ECE1: variants seen among roughly 807,000 people sequenced by gnomAD.
ECE1 encodes the protein endothelin converting enzyme 1, also known as endothelin-converting enzyme 1.
A neutral mutation model predicts 98.6 loss-of-function variants in ECE1; 35 were observed. The observed-to-expected ratio is 0.35, with a 90% confidence interval of 0.27 to 0.47. The LOEUF is 0.47. Ranked by LOEUF, ECE1 falls within the 20% of genes least tolerant of loss-of-function variation. ECE1 has a pLI of 1.00. For missense variants in ECE1, 814 were observed against 1,025.3 expected (o/e 0.79, Z 2.81); for synonymous variants, 394 against 407.1 (o/e 0.97, Z 0.39).
At chr1:21,341,829 G>A (rs1189488602) in intron 1 of ECE1, among the ~76,000 whole-genome samples, 2 of 151,606 alleles carry the variant, frequency 1.3e-5, no homozygotes, top group Non-Finnish European at 2.9e-5. Flanking sequence ...TTTAAGATAG[G>A]GTCTCACTAT....
chr1:21,251,652 T>C (rs919803831), intron 8 of ECE1, among the ~76,000 whole-genome samples: 2 of 152,188 alleles, frequency 1.3e-5, no homozygotes, highest in African/African-American at 4.8e-5. Flanking sequence ...GGGGCTCCAG[T>C]GCATCCCTGC....
intron 3 of ECE1, among the ~76,000 whole-genome samples, chr1:21,275,460 TG>T (rs1194394047): frequency 6.6e-6 from 1 of 152,052 alleles, no homozygotes; most frequent in Non-Finnish European, 1.5e-5. Flanking sequence ...CCAGGTATGA[TG>T]GGGGGCACCT....
Position 21,258,954 on chromosome 1 carries a change from T to A in ECE1, c.616-115A>T. ...CCCTGGAGCAGTCGCCTGACCTCTCTGAGCCTCAAGAGCAAAGGAAAGGAT... is the reference window on the plus strand; with the variant it reads ...CCCTGGAGCAGTCGCCTGACCTCTCAGAGCCTCAAGAGCAAAGGAAAGGAT... On this transcript the variant is annotated intron_variant, in intron 5 of 18. Coordinates refer to ENST00000374893, the MANE Select transcript of ECE1 (RefSeq NM_001397.3). This position sits in a 1 kb window ranked among gnomAD's most constrained non-coding sequence, Gnocchi z 4.2. 1 of 1,424,250 alleles carries A rather than the reference T, an allele frequency of 7.0e-7. No homozygotes were observed. Among genetic ancestry groups the A allele is most frequent in the Non-Finnish European group, 9.6e-7 (1 of 1,043,208 alleles). The allele number at this position is 1,424,250 out of a possible 1,614,324, so 88.2% of individuals were successfully genotyped here.
In ECE1 at chr1:21,322,688, C is replaced by A. The variant is rs1638990618; in HGVS notation, c.3+22688G>T. On this transcript the variant is annotated intron_variant, in intron 1 of 18. Transcript: ENST00000415912. The surrounding 1 kb of genome is among the most constrained non-coding windows in gnomAD (Gnocchi z 4.1). ...CTAGCTGGGGAAAAGGACAAGAAAA[C>A]CCAGCGATGGAGAGGAGAGGCACAG... 6.6e-6 allele frequency among the ~76,000 whole-genome samples: 1 copy of A among 152,098 alleles called. No individual in the cohort carries two copies. The highest frequency in any genetic ancestry group is 2.4e-5 in the African/African-American group (1 of 41,384).
intron 1 of ECE1, among the ~76,000 whole-genome samples, chr1:21,330,931 C>A (rs1639188196): frequency 6.6e-6 from 1 of 152,190 alleles, no homozygotes; most frequent in Admixed American, 6.5e-5. Context: ...ATGAGACTGG[C>A]TGATCATAAG....
rs1638731510 is a variant in ECE1 at position 21,311,822 on chromosome 1, T to C, written c.4-21666A>G. Among the ~76,000 whole-genome samples the C allele has an allele frequency of 2.7e-5, 4 of 149,182 alleles. No homozygotes were observed. In the Admixed American group the frequency reaches 2.7e-4, roughly 10 times the overall value. ...GTGAAATCCTGTCTCAAAAAAAAAT[T>C]TTTTTAAATTTAAAAAATTGGCCGG... On this transcript the variant is annotated intron_variant, in intron 1 of 18. Transcript: ENST00000415912.
chr1:21,336,405 T>C (rs1639305389), intron 1 of ECE1, among the ~76,000 whole-genome samples: 1 of 151,602 alleles, frequency 6.6e-6, no homozygotes, highest in African/African-American at 2.4e-5. Context: ...ACAAAAAACA[T>C]TCACTGAGGC....
chr1:21,272,598 G>T, intron 4 of ECE1, 101 bp downstream of exon 4: 2 of 1,443,302 alleles, frequency 1.4e-6, no homozygotes, highest in Non-Finnish European at 9.6e-7. Flanking sequence ...GGCCCATTCT[G>T]CCAAGCTCCT....
At chr1:21,323,823 T>TC (rs1368483292) in intron 1 of ECE1, among the ~76,000 whole-genome samples, 1 of 149,666 alleles carries the variant, frequency 6.7e-6, no homozygotes, top group East Asian at 1.9e-4. Flanking sequence ...TTCTTTCTTT[T>TC]TTTTTTTTTT....
rs1321354702 is a variant in ECE1 at position 21,337,474 on chromosome 1, T to G, written c.3+7902A>C. ...GGTTCACACTTTGGTCCAGGTAGTA[T>G]GCAGGTGTGTGCATTTGTAAAACGT... On this transcript the variant is annotated intron_variant, in intron 1 of 18. Coordinates refer to the ECE1 transcript ENST00000415912. Among the ~76,000 whole-genome samples the G allele has an allele frequency of 3.3e-5, 5 of 152,226 alleles. No homozygotes were observed. In the South Asian group the frequency reaches 1.0e-3, roughly 31 times the overall value.
chr1:21,269,661 T>A (rs2098237944), intron 4 of ECE1, among the ~76,000 whole-genome samples: 1 of 152,224 alleles, frequency 6.6e-6, no homozygotes, highest in Admixed American at 6.5e-5. Flanking sequence ...AGTATTCCGA[T>A]GTATTCCAGT....
chr1:21,297,456 T>C (rs961269738), intron 1 of ECE1, among the ~76,000 whole-genome samples: 3 of 152,076 alleles, frequency 2.0e-5, no homozygotes, highest in Non-Finnish European at 4.4e-5. Flanking sequence ...CTGACCCCCT[T>C]GATCTCCTAC....
In ECE1 at chr1:21,219,833, C is replaced by T. The variant is rs967547745; in HGVS notation, c.*122G>A. On this transcript the variant is annotated 3_prime_UTR_variant, in exon 19 of 19. Coordinates refer to ENST00000374893, the MANE Select transcript of ECE1 (RefSeq NM_001397.3). This position sits in a 1 kb window ranked among gnomAD's most constrained non-coding sequence, Gnocchi z 4.5. ...ATGGGCTCGGTTCCGGCTGAAAACCCGCCAGTGTGAGGAAGCAGGGCCCCG... is the reference window on the plus strand; with the variant it reads ...ATGGGCTCGGTTCCGGCTGAAAACCTGCCAGTGTGAGGAAGCAGGGCCCCG... The T allele has an allele frequency of 3.8e-5, 50 of 1,330,356 alleles. No homozygotes were observed. Among genetic ancestry groups the T allele is most frequent in the African/African-American group, 1.0e-4 (7 of 68,958 alleles). 82.4% of individuals were successfully genotyped at this position (1,330,356 alleles called of 1,614,324 possible).
chr1:21,239,789 T>C (rs564105267), intron 10 of ECE1, among the ~76,000 whole-genome samples: 41 of 152,010 alleles, frequency 2.7e-4, no homozygotes, highest in African/African-American at 7.5e-4. Context: ...TTCTTTCTTT[T>C]TTTTTTTTTT....
chr1:21,276,877 T>C (rs2098247924), intron 3 of ECE1, among the ~76,000 whole-genome samples: 1 of 152,012 alleles, frequency 6.6e-6, no homozygotes, highest in Admixed American at 6.6e-5. Context: ...CCACCATCCC[T>C]GGCTAATTTT....
chr1:21,239,133 C>G (rs1388455572), intron 10 of ECE1, among the ~76,000 whole-genome samples: 1 of 152,026 alleles, frequency 6.6e-6, no homozygotes, highest in Non-Finnish European at 1.5e-5. Context: ...ACACCTGGCT[C>G]ACCGCGGGAT....
Position 21,290,394 on chromosome 1 carries a change from G to T in ECE1, c.21C>A (p.Pro7=). 8.1e-7 allele frequency: 1 copy of T among 1,238,464 alleles called. No individual in the cohort carries two copies. Among genetic ancestry groups the T allele is most frequent in the Non-Finnish European group, 1.0e-6 (1 of 993,208 alleles). The allele number at this position is 1,238,464 out of a possible 1,614,324, so 76.7% of individuals were successfully genotyped here. Residue 7 remains proline, a synonymous_variant, in exon 1 of 19, where the codon CCC becomes CCA. Transcript: ENST00000374893. This position sits in a 1 kb window ranked among gnomAD's most constrained non-coding sequence, Gnocchi z 7.3. MRGVWP[P]PVSALLSALG... ...GCGCCGACAGCAGGGCGGACACCGGGGGCGGCCACACGCCCCGCATGCTGT... is the reference window on the plus strand; with the variant it reads ...GCGCCGACAGCAGGGCGGACACCGGTGGCGGCCACACGCCCCGCATGCTGT...
rs936848332 is a variant in ECE1 at position 21,217,856 on chromosome 1, GCAGATC to G, written c.*2093_*2098del. 6.6e-6 allele frequency: 1 copy of G among 152,446 alleles called. No individual in the cohort carries two copies. Among genetic ancestry groups the G allele is most frequent in the Non-Finnish European group, 1.5e-5 (1 of 68,190 alleles). The allele number at this position is 152,446 out of a possible 1,614,324, so 9.4% of individuals were successfully genotyped here. On this transcript the variant is annotated 3_prime_UTR_variant, in exon 19 of 19. Coordinates refer to ENST00000374893, the MANE Select transcript of ECE1 (RefSeq NM_001397.3). ...CTCGATACCCTGCACCAGCTTGGAG[GCAGATC>G]CCAAGGTGGCAGGGGTGTCCCTGTG...
Position 21,315,009 on chromosome 1 carries a change from T to C in ECE1, c.4-24853A>G, listed in dbSNP as rs142689851. Among the ~76,000 whole-genome samples the C allele has an allele frequency of 1.7e-4, 26 of 152,328 alleles. No homozygotes were observed. The East Asian group carries it at 5.0e-3, about 29-fold the overall frequency. ...ATGCTGCCCCATCTGTATGTATCTG[T>C]AGTGATTTGTATGTATCCCCAGTAG... is the stretch of plus-strand genomic sequence containing the variant. On this transcript the variant is annotated intron_variant, in intron 1 of 18. Transcript: ENST00000415912.
Sources: gnomAD v4.1 joint callset for allele counts (sites outside exome capture counted in the v4.1 genomes callset) on GRCh38, gnomAD v4.1.1 for gene constraint, Gnocchi (gnomAD v3.1) non-coding constraint, MANE v1.5 for transcripts, NCBI Gene and HGNC (gene_info 2026-07-23, HGNC 2026-07-21) for gene names.